The following MTA3 variants were observed in gnomAD, a reference collection of about 807,000 sequenced individuals.
The protein encoded by MTA3 is metastasis associated 1 family member 3, also known as metastasis-associated protein MTA3.
A neutral mutation model predicts 83.5 loss-of-function variants in MTA3; 34 were observed. The observed-to-expected ratio is 0.41, with a 90% CI of 0.31 to 0.54. The LOEUF is 0.54. Among genes scored for constraint, MTA3 ranks in the 20% least tolerant of loss-of-function variants. The pLI is 0.33. For missense variants in MTA3, 761 were observed against 726.4 expected, an observed-to-expected ratio of 1.05 and a Z score of -0.55; for synonymous variants, 303 against 252.7, an observed-to-expected ratio of 1.20 and a Z score of -1.89.
chr2:42,629,583 C>A (rs1045680105), intron 4 of MTA3, among the ~76,000 whole-genome samples: 1 of 152,008 alleles, frequency 6.6e-6, no homozygotes, highest in Non-Finnish European at 1.5e-5. Context: ...TGGGAGGAAA[C>A]CTCTAATCTA....
rs564743699 is a variant in MTA3 at position 42,525,714 on chromosome 2, G to A, written c.-141+30460G>A. Among the ~76,000 whole-genome samples, 5 of 151,184 alleles carry A rather than the reference G, an allele frequency of 3.3e-5. No individual in the cohort carries two copies. The South Asian group carries it at 1.0e-3, about 31-fold the overall frequency. On this transcript the variant is annotated intron_variant, in intron 2 of 17. Transcript: ENST00000405592. ...GCTCCCTCATCCAGGCAGGAGCACA[G>A]TGGCACAATCTCGGCTCACTGTAAC...
intron 16 of MTA3, among the ~76,000 whole-genome samples, chr2:42,727,019 C>T (rs934089988): frequency 5.3e-5 from 8 of 152,118 alleles, no homozygotes; most frequent in African/African-American, 1.9e-4. Flanking sequence ...CAGTGAGACC[C>T]CAACTCTAAA....
At chr2:42,631,240 A>G (rs939638874) in intron 4 of MTA3, among the ~76,000 whole-genome samples, 1 of 152,242 alleles carries the variant, frequency 6.6e-6, no homozygotes, top group Non-Finnish European at 1.5e-5. Context: ...GCCTCTTAAG[A>G]TTGCTAGTAG....
At chr2:42,645,291 G>A (rs1003055450) in intron 6 of MTA3, among the ~76,000 whole-genome samples, 2 of 151,402 alleles carry the variant, frequency 1.3e-5, no homozygotes, top group Admixed American at 6.6e-5. Flanking sequence ...TTGAGGGGCC[G>A]CAGCAGGTGG....
chr2:42,568,850 C>A, intron 1 of MTA3, 77 bp downstream of exon 1: 1 of 1,198,906 alleles, frequency 8.3e-7, no homozygotes, highest in Non-Finnish European at 1.0e-6. Context: ...TGCACGCCAA[C>A]TGCCGGGAGC....
At chr2:42,721,001 C>T (rs942596593) in intron 15 of MTA3, among the ~76,000 whole-genome samples, 4 of 131,432 alleles carry the variant, frequency 3.0e-5, no homozygotes, top group Non-Finnish European at 6.7e-5. Flanking sequence ...AAGAATATAA[C>T]ATTATTAGCC....
chr2:42,717,303 C>G (rs936242826), intron 14 of MTA3, among the ~76,000 whole-genome samples: 3 of 151,800 alleles, frequency 2.0e-5, no homozygotes, highest in African/African-American at 7.3e-5. Flanking sequence ...TCTCAGTTTG[C>G]AAAAGGAAAA....
chr2:42,501,092 G>C (rs1490095750), intron 2 of MTA3, among the ~76,000 whole-genome samples: 1 of 152,088 alleles, frequency 6.6e-6, no homozygotes, highest in Non-Finnish European at 1.5e-5. Context: ...TTACAGGCAT[G>C]AGCCACCGCG....
chr2:42,745,676 G>C (rs948136296), intron 16 of MTA3, among the ~76,000 whole-genome samples: 7 of 152,008 alleles, frequency 4.6e-5, no homozygotes, highest in African/African-American at 1.7e-4. Flanking sequence ...ATGAGCCACT[G>C]CACCCAGCTG....
chr2:42,605,790 G>A (rs1245483146), intron 3 of MTA3, among the ~76,000 whole-genome samples: 1 of 128,054 alleles, frequency 7.8e-6, no homozygotes, highest in East Asian at 2.4e-4. Flanking sequence ...AGGGGCGGCC[G>A]GGCAGAGGCG....
chr2:42,598,384 A>G (rs568261392), intron 3 of MTA3, among the ~76,000 whole-genome samples: 35 of 152,260 alleles, frequency 2.3e-4, no homozygotes, highest in African/African-American at 8.4e-4. Flanking sequence ...TCTATTTCTA[A>G]ATAGTGCTTT....
chr2:42,609,528 A>T lies in MTA3; in HGVS notation c.261A>T (p.Lys87Asn). Residue 87 changes from lysine (K) to asparagine (N), a missense_variant, in exon 4 of 17, where the codon AAA becomes AAT. By Grantham distance (94) the Lys-to-Asn change is moderately conservative. Coordinates refer to ENST00000405094, the MANE Select transcript of MTA3 (RefSeq NM_001330442.2). ...CCGATAAGCAGAAACATCAGTTGAA[A>T]CATAGGGAACTCTTTTTGTCACGCC... ...DLTDKQKHQL[K>N]HRELFLSRQY... The T allele has an allele frequency of 6.2e-7, 1 of 1,613,938 alleles. No individual in the cohort carries two copies. Among genetic ancestry groups the T allele is most frequent in the Middle Eastern group, 1.6e-4 (1 of 6,062 alleles).
chr2:42,560,273 C>A (rs936210130), intron 2 of MTA3, among the ~76,000 whole-genome samples: 1 of 150,678 alleles, frequency 6.6e-6, no homozygotes, highest in Admixed American at 6.6e-5. Context: ...CTGCCTGCGT[C>A]GGCCTCCCAA....
chr2:42,753,041 C>A (rs950591206), intron 16 of MTA3, among the ~76,000 whole-genome samples: 1 of 152,118 alleles, frequency 6.6e-6, no homozygotes, highest in Admixed American at 6.5e-5. Flanking sequence ...CCTCCCCCCT[C>A]AGCCTCCTGA....
chr2:42,737,441 C>T (rs1668692888), intron 16 of MTA3, among the ~76,000 whole-genome samples: 2 of 152,198 alleles, frequency 1.3e-5, no homozygotes, highest in Admixed American at 6.5e-5. Flanking sequence ...TTCACAATCA[C>T]TGTGTTCTCC....
intron 2 of MTA3, among the ~76,000 whole-genome samples, chr2:42,500,348 G>A (rs563804921): frequency 9.2e-5 from 14 of 152,146 alleles, no homozygotes; most frequent in East Asian, 1.9e-4. Flanking sequence ...ACAGTGAGCC[G>A]AGATCACGCC....
chr2:42,577,738 C>T (rs1679215074), intron 2 of MTA3, among the ~76,000 whole-genome samples: 1 of 152,102 alleles, frequency 6.6e-6, no homozygotes, highest in South Asian at 2.1e-4. Flanking sequence ...CTTGGACTCC[C>T]AAAGTGTTGG....
intron 2 of MTA3, among the ~76,000 whole-genome samples, chr2:42,549,864 C>T (rs1431224269): frequency 2.0e-5 from 3 of 150,858 alleles, no homozygotes; most frequent in Non-Finnish European, 4.4e-5. Context: ...CACCCAACTC[C>T]GTCCCACCTG....
At chr2:42,709,312 C>T in intron 14 of MTA3, 1 of 1,384,252 alleles carries the variant, frequency 7.2e-7, no homozygotes, top group Non-Finnish European at 9.3e-7. Flanking sequence ...AACTTCTGTA[C>T]TCTTTACCAG....
Sources: allele counts gnomAD v4.1 joint callset (sites outside exome capture counted in the v4.1 genomes callset), GRCh38; gene constraint gnomAD v4.1.1; transcripts MANE v1.5; gene names NCBI Gene and HGNC (gene_info 2026-07-23, HGNC 2026-07-21).